The following ST7 variants were observed in gnomAD, a reference collection of about 807,000 sequenced individuals.
ST7 encodes suppression of tumorigenicity 7.
Under a neutral mutation model 78.7 loss-of-function variants are expected in ST7, and 28 were observed. That is an observed-to-expected ratio of 0.36 (90% CI 0.26 to 0.49). The LOEUF (loss-of-function observed/expected upper bound fraction) is 0.49, where lower values mean the gene tolerates loss of function less well. ST7 is among the 20% of genes least tolerant of loss of function. ST7 has a pLI of 0.99. For synonymous variants in ST7, 247 were observed against 249.6 expected (o/e 0.99, Z 0.10); for missense variants, 418 against 696.0 (o/e 0.60, Z 4.49).
intron 12 of ST7, among the ~76,000 whole-genome samples, chr7:117,204,775 T>G (rs1347392975): frequency 6.6e-6 from 1 of 152,210 alleles, no homozygotes; most frequent in African/African-American, 2.4e-5. Context: ...TGAAAAAAAT[T>G]TGCTATCTCC....
intron 1 of ST7, among the ~76,000 whole-genome samples, chr7:117,050,421 A>G (rs1052895085): frequency 2.6e-5 from 4 of 152,200 alleles, no homozygotes; most frequent in Admixed American, 6.5e-5. Flanking sequence ...CATGCACTAC[A>G]GTTAATTTTA....
At chr7:117,041,449 G>C (rs1797224846) in intron 1 of ST7, among the ~76,000 whole-genome samples, 1 of 152,150 alleles carries the variant, frequency 6.6e-6, no homozygotes, top group African/African-American at 2.4e-5. Flanking sequence ...AAAGAATGAA[G>C]GTCTGCAAAG....
At chr7:117,168,145 C>T (rs1399877195) in intron 9 of ST7, among the ~76,000 whole-genome samples, 1 of 152,092 alleles carries the variant, frequency 6.6e-6, no homozygotes, top group Non-Finnish European at 1.5e-5. Context: ...TGTTTAAAAT[C>T]CTTTTATTGG....
In ST7 at chr7:117,190,782, G is replaced by A. The variant is rs368197428; in HGVS notation, c.1152-52G>A. The A allele has an allele frequency of 2.0e-6, 3 of 1,486,564 alleles. No individual in the cohort carries two copies. In the African/African-American group the frequency reaches 4.1e-5, roughly 21 times the overall value. 92.1% of individuals were successfully genotyped at this position (1,486,564 alleles called of 1,614,324 possible). On this transcript the variant is annotated intron_variant, in intron 11 of 15. Coordinates refer to ENST00000323984, the MANE Select transcript of ST7 (RefSeq NM_001369598.1). The surrounding 1 kb of genome is among the most constrained non-coding windows in gnomAD (Gnocchi z 5.2). ...CTAGATGTGTAGATGCTTCCGGGTT[G>A]ATGCCCAAGCAGTGGTCCCACCTGG... is the stretch of plus-strand genomic sequence containing the variant.
At chr7:117,158,348 A>G (rs1002874934) in intron 9 of ST7, among the ~76,000 whole-genome samples, 1 of 152,190 alleles carries the variant, frequency 6.6e-6, no homozygotes. Flanking sequence ...TTTTAAGGAA[A>G]AGCTTCCTCT....
intron 1 of ST7, among the ~76,000 whole-genome samples, chr7:117,068,047 C>T (rs1014026057): frequency 2.0e-5 from 3 of 152,016 alleles, no homozygotes; most frequent in African/African-American, 7.2e-5. Flanking sequence ...TTTAGATCTA[C>T]ACGGAAAGAT....
chr7:117,127,903 T>G (rs1357289336), intron 3 of ST7, among the ~76,000 whole-genome samples: 1 of 151,980 alleles, frequency 6.6e-6, no homozygotes, highest in Non-Finnish European at 1.5e-5. Flanking sequence ...TGATATATAA[T>G]AGAGTCGAAA....
chr7:117,081,948 C>T (rs1422735809), intron 1 of ST7, among the ~76,000 whole-genome samples: 1 of 151,642 alleles, frequency 6.6e-6, no homozygotes, highest in Middle Eastern at 3.2e-3. Flanking sequence ...TGGGGGCTGG[C>T]TAGGCAAGTC....
intron 9 of ST7, among the ~76,000 whole-genome samples, chr7:117,155,571 C>T (rs1806623748): frequency 6.6e-6 from 1 of 152,134 alleles, no homozygotes; most frequent in Non-Finnish European, 1.5e-5. Context: ...TATATTTGGA[C>T]ATATGTATCT....
At chr7:117,025,714 C>T (rs1796152520) in intron 1 of ST7, among the ~76,000 whole-genome samples, 1 of 152,112 alleles carries the variant, frequency 6.6e-6, no homozygotes, top group Non-Finnish European at 1.5e-5. Flanking sequence ...AAGTAAAACT[C>T]ATGTAATGTA....
chr7:117,097,484 G>A lies in ST7; in HGVS notation c.152-2278G>A, dbSNP rs150088343. The stretch of plus-strand genomic sequence containing the variant: ...GGGATTACAGGCACCCACCATGCCC[G>A]GCTAATTTTTTGTATTTTTAGTAGA... On this transcript the variant is annotated intron_variant, in intron 1 of 15. Transcript: ENST00000323984. 9.6e-4 allele frequency among the ~76,000 whole-genome samples: 145 copies of A among 151,814 alleles called. 1 individual carries two copies. Among genetic ancestry groups the A allele is most frequent in the Middle Eastern group, 3.4e-3 (1 of 294 alleles).
At chr7:116,963,752 C>T (rs993962387) in intron 1 of ST7, among the ~76,000 whole-genome samples, 1 of 151,886 alleles carries the variant, frequency 6.6e-6, no homozygotes, top group East Asian at 1.9e-4. Flanking sequence ...TCTGCCTCAG[C>T]CTCCTGAGTA....
At chr7:116,972,836 C>G (rs1270173583) in intron 1 of ST7, 3 of 1,104,918 alleles carry the variant, frequency 2.7e-6, no homozygotes, top group African/African-American at 3.1e-5. Context: ...TCAGCTCGCT[C>G]CTCTGCATCA....
intron 13 of ST7, among the ~76,000 whole-genome samples, chr7:117,211,238 T>C (rs1792262328): frequency 6.6e-6 from 1 of 152,220 alleles, no homozygotes; most frequent in South Asian, 2.1e-4. Flanking sequence ...AGGAGGATTT[T>C]ATCAGTGCCT....
intron 1 of ST7, among the ~76,000 whole-genome samples, chr7:117,022,573 A>G (rs2116050869): frequency 6.6e-6 from 1 of 152,314 alleles, no homozygotes; most frequent in Middle Eastern, 3.4e-3. Context: ...TTGAAACTGT[A>G]CTTAAAATAT....
At chr7:117,055,795 G>A (rs545261363) in intron 1 of ST7, among the ~76,000 whole-genome samples, 2 of 152,162 alleles carry the variant, frequency 1.3e-5, no homozygotes, top group Non-Finnish European at 2.9e-5. Context: ...AATTAACCAG[G>A]TGTATTAGTC....
chr7:117,098,931 A>C, intron 1 of ST7: 1 of 925,914 alleles, frequency 1.1e-6, no homozygotes. Context: ...ATCAGTGAGC[A>C]ACAAGGTTAA....
At chr7:117,133,178 C>G (rs1420457382) in intron 6 of ST7, among the ~76,000 whole-genome samples, 2 of 151,908 alleles carry the variant, frequency 1.3e-5, no homozygotes, top group Admixed American at 1.3e-4. Flanking sequence ...TTCCAAATCA[C>G]TGTGTTCTGT....
chr7:117,152,198 TATATATATATATATATATATATATAC>T (rs1806330547), intron 9 of ST7, among the ~76,000 whole-genome samples: 3 of 73,750 alleles, frequency 4.1e-5, no homozygotes, highest in South Asian at 8.1e-4. Context: ...TATATATATA[TATATATATATATATATATATATATAC>T]CATGAACAAA....
Sources: gnomAD v4.1 joint callset for allele counts (sites outside exome capture counted in the v4.1 genomes callset) on GRCh38, gnomAD v4.1.1 for gene constraint, Gnocchi (gnomAD v3.1) non-coding constraint, MANE v1.5 for transcripts, NCBI Gene and HGNC (gene_info 2026-07-23, HGNC 2026-07-21) for gene names.